Variants in USP13 observed in about 807,000 individuals in gnomAD.
USP13 encodes the protein ubiquitin specific peptidase 13, also known as ubiquitin carboxyl-terminal hydrolase 13.
Under a neutral mutation model 107.8 loss-of-function variants are expected in USP13, and 68 were observed. The ratio of observed to expected loss-of-function variants is 0.63; its 90% CI spans 0.52 to 0.77. The LOEUF (loss-of-function observed/expected upper bound fraction) is 0.77. USP13 is among the 30% of genes least tolerant of loss of function. The pLI is 0.00. For synonymous variants in USP13, 377 were observed against 389.5 expected, an observed-to-expected ratio of 0.97 and a Z score of 0.38; for missense variants, 945 against 1,093.3, an observed-to-expected ratio of 0.86 and a Z score of 1.91.
chr3:179,716,867 A>G (rs1408846431), intron 6 of USP13, among the ~76,000 whole-genome samples: 3 of 152,106 alleles, frequency 2.0e-5, no homozygotes, highest in African/African-American at 7.2e-5. Flanking sequence ...GTTTCCTAGC[A>G]TGCTTGTCAC....
In USP13 at chr3:179,729,980, C is replaced by T. The variant is rs564013030; in HGVS notation, c.1089-209C>T. Among the ~76,000 whole-genome samples the T allele has an allele frequency of 5.3e-5, 8 of 152,282 alleles. No individual in the cohort carries two copies. In the East Asian group the frequency reaches 5.8e-4, roughly 11 times the overall value. On this transcript the variant is annotated intron_variant, in intron 8 of 20. Transcript: ENST00000263966. ...CTCTTTGGGTGAATCTAACTTACAA[C>T]GAGGGTTGAGACCCACTGATAGAAG...
chr3:179,703,856 A>C (rs1333088575), intron 4 of USP13, among the ~76,000 whole-genome samples: 1 of 152,200 alleles, frequency 6.6e-6, no homozygotes, highest in Non-Finnish European at 1.5e-5. Flanking sequence ...TTTTGAAAAC[A>C]TTTTATTTAG....
chr3:179,730,417 G>A (rs114718769), intron 9 of USP13, among the ~76,000 whole-genome samples, 157 bp downstream of exon 9: 6 of 152,244 alleles, frequency 3.9e-5, no homozygotes, highest in African/African-American at 1.4e-4. Flanking sequence ...AGAAGATAAA[G>A]TTATCTACAA....
chr3:179,753,188 T>A, intron 14 of USP13, among the ~76,000 whole-genome samples: 1 of 152,236 alleles, frequency 6.6e-6, no homozygotes, highest in East Asian at 1.9e-4. Flanking sequence ...TTACGCTGGT[T>A]AACTAAGCAC....
intron 19 of USP13, among the ~76,000 whole-genome samples, chr3:179,779,390 C>T (rs1213041837): frequency 6.6e-6 from 1 of 151,958 alleles, no homozygotes; most frequent in Non-Finnish European, 1.5e-5. Context: ...AAACATTAGC[C>T]AGGCATGGTG....
chr3:179,749,250 C>G (rs1390826814), intron 13 of USP13, among the ~76,000 whole-genome samples: 1 of 152,100 alleles, frequency 6.6e-6, no homozygotes, highest in Admixed American at 6.5e-5. Context: ...ATAATGCTAA[C>G]AGGTTGTTAA....
chr3:179,685,187 AT>A (rs142746430), intron 2 of USP13, among the ~76,000 whole-genome samples: 27,198 of 148,174 alleles, frequency 0.18, 2,519 homozygotes, highest in East Asian at 0.24. Flanking sequence ...GTACCCTATA[AT>A]TTTTTTTTTT....
chr3:179,766,588 G>T (rs1715183346), intron 19 of USP13, among the ~76,000 whole-genome samples: 1 of 152,164 alleles, frequency 6.6e-6, no homozygotes, highest in Non-Finnish European at 1.5e-5. Context: ...AGGAAGAGGC[G>T]CCATAGGCCG....
At chr3:179,779,719 TAAA>T (rs113797839) in intron 19 of USP13, among the ~76,000 whole-genome samples, 6 of 103,852 alleles carry the variant, frequency 5.8e-5, no homozygotes, top group African/African-American at 6.9e-5. Flanking sequence ...AAGGGTTTGT[TAAA>T]AAAAAAAAAA....
At chr3:179,777,831 A>G (rs1715601671) in intron 19 of USP13, among the ~76,000 whole-genome samples, 1 of 152,134 alleles carries the variant, frequency 6.6e-6, no homozygotes, top group African/African-American at 2.4e-5. Context: ...TAAATTTAAG[A>G]TTAGGAATTT....
chr3:179,773,894 C>T (rs781635988), intron 19 of USP13, among the ~76,000 whole-genome samples: 2 of 152,072 alleles, frequency 1.3e-5, no homozygotes, highest in Non-Finnish European at 2.9e-5. Context: ...AGATAAAAAT[C>T]TACAAGTTAG....
chr3:179,783,203 A>C (rs1423984740), intron 20 of USP13, among the ~76,000 whole-genome samples: 1 of 152,178 alleles, frequency 6.6e-6, no homozygotes, highest in Admixed American at 6.5e-5. Flanking sequence ...ATAGTAAATA[A>C]TTTATAAATA....
At chr3:179,667,174 C>T (rs921483868) in intron 1 of USP13, among the ~76,000 whole-genome samples, 1 of 152,132 alleles carries the variant, frequency 6.6e-6, no homozygotes, top group Non-Finnish European at 1.5e-5. Context: ...ATGGCATTTA[C>T]GGAGTCTTGG....
intron 8 of USP13, among the ~76,000 whole-genome samples, chr3:179,728,859 A>G (rs800364): frequency 0.86 from 130,549 of 151,874 alleles, 56,285 homozygotes; most frequent in Non-Finnish European, 0.89. Context: ...GCGCGCGCCT[A>G]CAATCGCAGG....
chr3:179,656,989 T>A (rs1720284252), intron 1 of USP13, among the ~76,000 whole-genome samples: 1 of 152,078 alleles, frequency 6.6e-6, no homozygotes, highest in Non-Finnish European at 1.5e-5. Flanking sequence ...GATTACCACA[T>A]AGAATGAGGT....
rs555789894 is a variant in USP13 at position 179,702,757 on chromosome 3, CAT to C, written c.477+1629_477+1630del. ...TGCTTTCTCCAATTCCATGTTGACT[CAT>C]GTGGCTGTTACCAAGGATAAAATAT... On this transcript the variant is annotated intron_variant, in intron 4 of 20. Transcript: ENST00000263966. Among the ~76,000 whole-genome samples, 369 of 152,326 alleles carry C rather than the reference CAT, an allele frequency of 2.4e-3. 4 individuals carry two copies. The highest frequency in any genetic ancestry group is 8.6e-3 in the African/African-American group (356 of 41,572).
chr3:179,687,543 C>T (rs1711913105), intron 2 of USP13, among the ~76,000 whole-genome samples: 1 of 151,318 alleles, frequency 6.6e-6, no homozygotes, highest in Non-Finnish European at 1.5e-5. Context: ...CCTGTAGTCC[C>T]AGCTACTCGG....
At chr3:179,760,500 G>A (rs1714971171) in intron 16 of USP13, among the ~76,000 whole-genome samples, 4 of 151,910 alleles carry the variant, frequency 2.6e-5, no homozygotes, top group Admixed American at 2.6e-4. Flanking sequence ...AGCCAGGATG[G>A]TCTCGATCTC....
At chr3:179,756,277 A>C (rs1434924644) in intron 15 of USP13, among the ~76,000 whole-genome samples, 1 of 152,120 alleles carries the variant, frequency 6.6e-6, no homozygotes, top group Non-Finnish European at 1.5e-5. Context: ...ACGAAAGTTC[A>C]CTGGGCGTGG....
Sources: allele counts gnomAD v4.1 joint callset (sites outside exome capture counted in the v4.1 genomes callset), GRCh38; gene constraint gnomAD v4.1.1; transcripts MANE v1.5; gene names NCBI Gene and HGNC (gene_info 2026-07-23, HGNC 2026-07-21).